Variants in TMEM144 observed in about 807,000 individuals in gnomAD.
The protein encoded by TMEM144 is transmembrane protein 144.
In TMEM144, 39 loss-of-function variants were observed where a neutral mutation model predicts 43.6. The ratio of observed to expected loss-of-function variants is 0.90; its 90% confidence interval spans 0.69 to 1.17. The LOEUF is 1.17. TMEM144 is among the 50% of genes most tolerant of loss of function. The pLI, the probability that TMEM144 is intolerant of heterozygous loss-of-function variation, is 0.00. For missense variants in TMEM144, 417 were observed against 411.9 expected (o/e 1.01, Z -0.11); for synonymous variants, 154 against 133.6 (o/e 1.15, Z -1.06).
chr4:158,228,923 G>A (rs1369164996), intron 6 of TMEM144, among the ~76,000 whole-genome samples: 1 of 152,088 alleles, frequency 6.6e-6, no homozygotes, highest in African/African-American at 2.4e-5. Context: ...CGCGTGAGAG[G>A]GTCGTGATGG....
intron 8 of TMEM144, 121 bp downstream of exon 8, chr4:158,235,626 T>G (rs1235039583): frequency 1.9e-6 from 2 of 1,030,108 alleles, no homozygotes; most frequent in Non-Finnish European, 2.7e-6. Context: ...AAGCTTTGAC[T>G]TCTATCTCCA....
At chr4:158,247,758 A>C (rs1013262740) in intron 12 of TMEM144, among the ~76,000 whole-genome samples, 31 of 152,106 alleles carry the variant, frequency 2.0e-4, no homozygotes, top group African/African-American at 6.8e-4. Flanking sequence ...GATCAGAACA[A>C]ATATAGGAGA....
intron 6 of TMEM144, among the ~76,000 whole-genome samples, chr4:158,224,197 C>T (rs192945281): frequency 1.5e-3 from 231 of 152,204 alleles, no homozygotes; most frequent in Non-Finnish European, 2.4e-3. Context: ...GTTGGTCATG[C>T]AAATGTCTTC....
At chr4:158,235,211 A>G in intron 7 of TMEM144, 1 of 466,852 alleles carries the variant, frequency 2.1e-6, no homozygotes, top group Admixed American at 3.4e-5. Context: ...CACATATTAA[A>G]TGTGAGAATT....
At chr4:158,215,357 A>T (rs1348675448) in intron 4 of TMEM144, 44 bp downstream of exon 4, 1 of 1,596,884 alleles carries the variant, frequency 6.3e-7, no homozygotes, top group African/African-American at 1.3e-5. Context: ...TAACATAATG[A>T]TAAAAATAAT....
Sources: allele counts gnomAD v4.1 joint callset (sites outside exome capture counted in the v4.1 genomes callset), GRCh38; gene constraint gnomAD v4.1.1; transcripts MANE v1.5; gene names NCBI Gene and HGNC (gene_info 2026-07-23, HGNC 2026-07-21).